PDGFC: variants seen among roughly 807,000 people sequenced by gnomAD.
PDGFC encodes the protein platelet derived growth factor C.
PDGFC carries 12 observed loss-of-function variants against 35.5 expected under a neutral mutation model. The ratio of observed to expected loss-of-function variants is 0.34; its 90% confidence interval spans 0.22 to 0.55. PDGFC has a LOEUF of 0.55. Ranked by LOEUF, PDGFC falls within the 20% of genes least tolerant of loss-of-function variation. The probability of loss-of-function intolerance (pLI) is 0.91; values close to 1 mark genes in which losing one functional copy is unlikely to be tolerated. For missense variants in PDGFC, 322 were observed against 412.4 expected (o/e 0.78, Z 1.90); for synonymous variants, 159 against 148.8 (o/e 1.07, Z -0.50).
intron 1 of PDGFC, among the ~76,000 whole-genome samples, chr4:156,851,775 C>CA (rs1374768811): frequency 2.0e-5 from 3 of 151,476 alleles, no homozygotes; most frequent in South Asian, 2.1e-4. Context: ...ACTAAAAATA[C>CA]AAAAAATTAG....
intron 1 of PDGFC, among the ~76,000 whole-genome samples, chr4:156,862,236 A>T (rs1451655260): frequency 6.6e-6 from 1 of 152,216 alleles, no homozygotes; most frequent in Non-Finnish European, 1.5e-5. Flanking sequence ...TCATGAATAG[A>T]GCTGCACAGA....
chr4:156,805,789 CT>C (rs565459201), intron 3 of PDGFC, among the ~76,000 whole-genome samples: 148 of 152,020 alleles, frequency 9.7e-4, no homozygotes, highest in African/African-American at 3.5e-3. Context: ...TCTTTTCCCC[CT>C]CTCACTTCAA....
intron 3 of PDGFC, among the ~76,000 whole-genome samples, chr4:156,802,484 A>G (rs983483298): frequency 6.6e-6 from 1 of 152,042 alleles, no homozygotes; most frequent in African/African-American, 2.4e-5. Flanking sequence ...AAGACAGTTC[A>G]GATTCGTTCT....
At chr4:156,862,901 G>A (rs1389467883) in intron 1 of PDGFC, among the ~76,000 whole-genome samples, 2 of 151,896 alleles carry the variant, frequency 1.3e-5, no homozygotes, top group Non-Finnish European at 2.9e-5. Flanking sequence ...CACCATCTTG[G>A]CCAGGCTGGT....
intron 1 of PDGFC, among the ~76,000 whole-genome samples, chr4:156,865,653 C>T (rs1348280050): frequency 6.6e-6 from 1 of 152,090 alleles, no homozygotes; most frequent in African/African-American, 2.4e-5. Context: ...TAGATTAAGA[C>T]ATTATGAACA....
chr4:156,797,224 C>A, intron 3 of PDGFC, among the ~76,000 whole-genome samples: 1 of 147,374 alleles, frequency 6.8e-6, no homozygotes, highest in African/African-American at 2.5e-5. Context: ...TGCGACAGAG[C>A]GACAATCAGT....
At chr4:156,792,095 C>T (rs193188819) in intron 3 of PDGFC, among the ~76,000 whole-genome samples, 64 of 152,248 alleles carry the variant, frequency 4.2e-4, no homozygotes, top group Admixed American at 1.9e-3. Context: ...CCAAGGAAAA[C>T]GCCTAGGATC....
At chr4:156,819,681 T>A (rs1370713704) in intron 2 of PDGFC, among the ~76,000 whole-genome samples, 1 of 152,242 alleles carries the variant, frequency 6.6e-6, no homozygotes, top group East Asian at 1.9e-4. Flanking sequence ...AGGAGATTTA[T>A]GTTTTCATGC....
intron 2 of PDGFC, among the ~76,000 whole-genome samples, chr4:156,812,337 A>C (rs1365167082): frequency 6.6e-6 from 1 of 152,118 alleles, no homozygotes; most frequent in African/African-American, 2.4e-5. Flanking sequence ...ATATTGAAAC[A>C]GATTATTTTA....
intron 2 of PDGFC, among the ~76,000 whole-genome samples, chr4:156,849,318 A>G (rs1729397067): frequency 6.6e-6 from 1 of 152,130 alleles, no homozygotes; most frequent in South Asian, 2.1e-4. Flanking sequence ...ATATGTAACT[A>G]TGTAAGTGCT....
At chr4:156,906,421 A>T (rs940442308) in intron 1 of PDGFC, among the ~76,000 whole-genome samples, 1 of 152,146 alleles carries the variant, frequency 6.6e-6, no homozygotes, top group Non-Finnish European at 1.5e-5. Context: ...TAAAGTAGGA[A>T]TAATCACTTT....
At chr4:156,949,491 T>G (rs1384491677) in intron 1 of PDGFC, among the ~76,000 whole-genome samples, 1 of 151,808 alleles carries the variant, frequency 6.6e-6, no homozygotes, top group East Asian at 1.9e-4. Context: ...CTGTCTGTGC[T>G]GCAATATTTC....
At chr4:156,898,312 G>A (rs1378524138) in intron 1 of PDGFC, among the ~76,000 whole-genome samples, 2 of 152,082 alleles carry the variant, frequency 1.3e-5, no homozygotes, top group African/African-American at 4.8e-5. Flanking sequence ...TTGTGTATAA[G>A]CCACCCTTTC....
intron 1 of PDGFC, among the ~76,000 whole-genome samples, chr4:156,954,631 T>A (rs941118138): frequency 8.6e-5 from 13 of 152,042 alleles, no homozygotes; most frequent in African/African-American, 2.7e-4. Context: ...ATGATACATT[T>A]TTTTTTCTTA....
At chr4:156,937,180 G>T (rs892162634) in intron 1 of PDGFC, among the ~76,000 whole-genome samples, 9 of 152,136 alleles carry the variant, frequency 5.9e-5, no homozygotes, top group Non-Finnish European at 1.3e-4. Flanking sequence ...AGGCATTTCT[G>T]AAGAAAAGGA....
At chr4:156,959,528 C>A (rs190518169) in intron 1 of PDGFC, among the ~76,000 whole-genome samples, 1 of 151,990 alleles carries the variant, frequency 6.6e-6, no homozygotes, top group African/African-American at 2.4e-5. Flanking sequence ...CTTAGATGGA[C>A]GTGGTCTCAT....
At chr4:156,934,205 T>C (rs910082722) in intron 1 of PDGFC, among the ~76,000 whole-genome samples, 2 of 152,202 alleles carry the variant, frequency 1.3e-5, no homozygotes, top group East Asian at 3.9e-4. Flanking sequence ...TAAACAAACC[T>C]AAATGGTATG....
intron 1 of PDGFC, among the ~76,000 whole-genome samples, chr4:156,867,537 G>A (rs1729875131): frequency 6.6e-6 from 1 of 152,154 alleles, no homozygotes; most frequent in African/African-American, 2.4e-5. Context: ...CATCACCAAA[G>A]CCAAGTGTAC....
chr4:156,807,167 G>T (rs945217484), intron 3 of PDGFC, among the ~76,000 whole-genome samples: 7 of 151,864 alleles, frequency 4.6e-5, no homozygotes, highest in African/African-American at 1.7e-4. Flanking sequence ...CATGACTGGA[G>T]AATAATATTT....
Sources: allele counts gnomAD v4.1 joint callset (sites outside exome capture counted in the v4.1 genomes callset), GRCh38; gene constraint gnomAD v4.1.1; transcripts MANE v1.5; gene names NCBI Gene and HGNC (gene_info 2026-07-23, HGNC 2026-07-21).